The following IQSEC1 variants were observed in gnomAD, a reference collection of about 807,000 sequenced individuals.
IQSEC1 encodes the protein IQ motif and SEC7 domain-containing protein 1.
A neutral mutation model predicts 91.0 loss-of-function variants in IQSEC1; 31 were observed. The ratio of observed to expected loss-of-function variants is 0.34; its 90% confidence interval spans 0.26 to 0.46. IQSEC1 has a LOEUF of 0.46. Ranked by LOEUF, IQSEC1 falls within the 20% of genes least tolerant of loss-of-function variation. The pLI is 1.00. For synonymous variants in IQSEC1, 699 were observed against 662.6 expected (o/e 1.05, Z -0.84); for missense variants, 1,388 against 1,575.6 (o/e 0.88, Z 2.02).
chr3:13,140,060 C>T (rs1305311908), intron 2 of IQSEC1, among the ~76,000 whole-genome samples: 3 of 152,212 alleles, frequency 2.0e-5, no homozygotes, highest in Admixed American at 2.0e-4. Context: ...TCTGGCTCTA[C>T]AACCACCCAC....
chr3:13,227,441 C>T (rs1694775884), intron 1 of IQSEC1, among the ~76,000 whole-genome samples: 1 of 151,538 alleles, frequency 6.6e-6, no homozygotes, highest in Admixed American at 6.6e-5. Context: ...AAATCCTGCC[C>T]TCTCGTAGCT....
intron 2 of IQSEC1, among the ~76,000 whole-genome samples, chr3:13,138,292 G>A (rs1706743562): frequency 6.7e-6 from 1 of 149,876 alleles, no homozygotes; most frequent in Non-Finnish European, 1.5e-5. Flanking sequence ...CTTACCGAGT[G>A]GAGAGTCCCT....
intron 2 of IQSEC1, among the ~76,000 whole-genome samples, chr3:13,130,675 G>A (rs1403859422): frequency 6.6e-6 from 1 of 152,060 alleles, no homozygotes; most frequent in Non-Finnish European, 1.5e-5. Flanking sequence ...ACTGGCTCAC[G>A]CCTGTAATCC....
chr3:13,079,326 C>T (rs1158204530), intron 2 of IQSEC1, among the ~76,000 whole-genome samples: 1 of 152,254 alleles, frequency 6.6e-6, no homozygotes, highest in Non-Finnish European at 1.5e-5. Context: ...TTGGGTCAGA[C>T]CCAGGCCAGG....
intron 2 of IQSEC1, among the ~76,000 whole-genome samples, chr3:13,123,136 A>G (rs994441242): frequency 1.2e-4 from 18 of 152,350 alleles, no homozygotes; most frequent in African/African-American, 3.4e-4. Flanking sequence ...TGATTAAGAT[A>G]AAATCCAGCC....
intron 2 of IQSEC1, among the ~76,000 whole-genome samples, chr3:13,159,078 T>C (rs1166179102): frequency 6.6e-6 from 1 of 152,164 alleles, no homozygotes; most frequent in East Asian, 1.9e-4. Flanking sequence ...GAAATTCTGT[T>C]TCCTTGGAGA....
chr3:13,003,043 G>T (rs1025597263), intron 1 of IQSEC1, among the ~76,000 whole-genome samples: 1 of 152,096 alleles, frequency 6.6e-6, no homozygotes, highest in Non-Finnish European at 1.5e-5. Context: ...CATAGTAGTA[G>T]TATTTACAAT....
chr3:13,009,391 C>T (rs991909390), intron 1 of IQSEC1, among the ~76,000 whole-genome samples: 7 of 152,132 alleles, frequency 4.6e-5, no homozygotes, highest in African/African-American at 1.2e-4. Context: ...ATCAGGGAGG[C>T]GGGACCTTGC....
At chr3:13,055,131 G>A (rs1168430961) in intron 1 of IQSEC1, among the ~76,000 whole-genome samples, 1 of 152,212 alleles carries the variant, frequency 6.6e-6, no homozygotes, top group Non-Finnish European at 1.5e-5. Context: ...GCACAGTGCG[G>A]CGATTGTCCC....
At chr3:13,088,516 TC>T (rs1478130361) in intron 2 of IQSEC1, among the ~76,000 whole-genome samples, 2 of 151,288 alleles carry the variant, frequency 1.3e-5, no homozygotes, top group African/African-American at 2.4e-5. Context: ...CCTGTCGCCC[TC>T]CCCGCTCCTC....
rs913288562 is a variant in IQSEC1, at chr3:12,979,009, G to T, written c.24-37144C>A. ...TGCATCTACATGGGGCATGAAGTGT[G>T]GGGATGGGTGCGCTGTGGGGCATGA... On this transcript the variant is annotated intron_variant, in intron 1 of 13. Coordinates refer to ENST00000613206, the MANE Select transcript of IQSEC1 (RefSeq NM_001134382.3). This position sits in a 1 kb window ranked among gnomAD's most constrained non-coding sequence, Gnocchi z 4.3. 3.3e-5 allele frequency among the ~76,000 whole-genome samples: 5 copies of T among 152,208 alleles called. No individual in the cohort carries two copies. The highest frequency in any genetic ancestry group is 5.9e-5 in the Non-Finnish European group (4 of 68,032).
At chr3:12,914,857 T>G (rs767217182) in intron 8 of IQSEC1, among the ~76,000 whole-genome samples, 21 of 151,776 alleles carry the variant, frequency 1.4e-4, no homozygotes, top group Non-Finnish European at 2.4e-4. Flanking sequence ...AGGCGCAGGG[T>G]CTGGGGGCTG....
At chr3:13,273,222 G>A (rs1269211763) in intron 1 of IQSEC1, among the ~76,000 whole-genome samples, 3 of 152,172 alleles carry the variant, frequency 2.0e-5, no homozygotes, top group African/African-American at 4.8e-5. Context: ...CTGTGTCCTG[G>A]CTCCTGGCCA....
intron 2 of IQSEC1, among the ~76,000 whole-genome samples, chr3:12,937,627 A>G (rs1299610896): frequency 1.3e-5 from 2 of 152,218 alleles, no homozygotes; most frequent in Non-Finnish European, 2.9e-5. Flanking sequence ...TCATCTATTA[A>G]ATGGGGTAGT....
rs1306715632 is a variant in IQSEC1, at chr3:12,992,629, C to T, written c.24-50764G>A. On this transcript the variant is annotated intron_variant, in intron 1 of 13. Coordinates refer to ENST00000613206, the MANE Select transcript of IQSEC1 (RefSeq NM_001134382.3). The surrounding 1 kb of genome is among the most constrained non-coding windows in gnomAD (Gnocchi z 4.1). ...TGGCTCATCAAAGTGCACAACCAGA[C>T]CCCTGCTCCCAGTCTAGGACAGGTC... is the stretch of plus-strand genomic sequence containing the variant. Among the ~76,000 whole-genome samples, 1 of 152,220 alleles carries T rather than the reference C, an allele frequency of 6.6e-6. No individual in the cohort carries two copies. The highest frequency in any genetic ancestry group is 2.4e-5 in the African/African-American group (1 of 41,440).
At chr3:13,213,390 T>A (rs907533893) in intron 1 of IQSEC1, among the ~76,000 whole-genome samples, 1 of 152,212 alleles carries the variant, frequency 6.6e-6, no homozygotes, top group Non-Finnish European at 1.5e-5. Context: ...CCTTCCTGTT[T>A]CGGTACCATA....
intron 1 of IQSEC1, among the ~76,000 whole-genome samples, chr3:13,271,801 A>T (rs1304852643): frequency 1.3e-5 from 2 of 152,244 alleles, no homozygotes; most frequent in African/African-American, 4.8e-5. Context: ...TCTCAAAAAA[A>T]CTATAATTAA....
At chr3:12,933,961 C>T (rs922273056) in intron 3 of IQSEC1, among the ~76,000 whole-genome samples, 2 of 152,362 alleles carry the variant, frequency 1.3e-5, no homozygotes, top group Admixed American at 6.5e-5. Flanking sequence ...CCACTGCTGG[C>T]CTCCACCTGT....
chr3:12,948,382 A>T (rs962282376), intron 1 of IQSEC1, among the ~76,000 whole-genome samples: 1 of 152,196 alleles, frequency 6.6e-6, no homozygotes, highest in African/African-American at 2.4e-5. Context: ...TCCAGGCTGG[A>T]GAGCCTGACC....
Sources: allele counts gnomAD v4.1 joint callset (sites outside exome capture counted in the v4.1 genomes callset), GRCh38; gene constraint gnomAD v4.1.1; non-coding constraint Gnocchi (gnomAD v3.1); transcripts MANE v1.5; gene names NCBI Gene and HGNC (gene_info 2026-07-23, HGNC 2026-07-21).